CIMAP2: variants seen among roughly 807,000 people sequenced by gnomAD.
The protein encoded by CIMAP2 is ciliary microtubule-associated protein 2.
At chr1:54,809,820 G>A in the CIMAP2 span, among the ~76,000 whole-genome samples, 1 of 151,310 alleles carries the variant, frequency 6.6e-6, no homozygotes, top group South Asian at 2.1e-4. Flanking sequence ...TCACTGGGGG[G>A]CCTTCCCACC....
the CIMAP2 span, among the ~76,000 whole-genome samples, chr1:54,815,540 G>A: frequency 6.6e-6 from 1 of 152,050 alleles, no homozygotes; most frequent in Non-Finnish European, 1.5e-5. Context: ...ACCCCCTTCT[G>A]GCCCCTTCCC....
chr1:54,806,147 C>A, the CIMAP2 span: 1 of 1,550,094 alleles, frequency 6.5e-7, no homozygotes, highest in Non-Finnish European at 8.7e-7. Context: ...CGCCGGAGCT[C>A]ATGGCTGGAA....
chr1:54,829,300 A>G, the CIMAP2 span, among the ~76,000 whole-genome samples: 29,968 of 152,232 alleles, frequency 0.2, 3,054 homozygotes, highest in East Asian at 0.34. Context: ...CTGTAAAAAC[A>G]GAAGAATTTA....
chr1:54,816,623 T>C, the CIMAP2 span, among the ~76,000 whole-genome samples: 331 of 152,288 alleles, frequency 2.2e-3, 1 homozygote, highest in African/African-American at 7.7e-3. Context: ...TTGTAGCTTC[T>C]GGTGGTGGCC....
At chr1:54,831,878 G>C in the CIMAP2 span, among the ~76,000 whole-genome samples, 3 of 151,912 alleles carry the variant, frequency 2.0e-5, no homozygotes, top group Non-Finnish European at 4.4e-5. Flanking sequence ...TTTTGACACA[G>C]GGTTAGGCTA....
chr1:54,823,047 T>C, the CIMAP2 span, among the ~76,000 whole-genome samples: 6 of 152,354 alleles, frequency 3.9e-5, no homozygotes, highest in Admixed American at 2.0e-4. Flanking sequence ...GTGTATTCTG[T>C]AGCTGTTGGA....
chr1:54,821,148 A>G, the CIMAP2 span, among the ~76,000 whole-genome samples: 1 of 152,144 alleles, frequency 6.6e-6, no homozygotes, highest in Admixed American at 6.5e-5. Flanking sequence ...TGTCTGATGA[A>G]TAGTTTGCAA....
the CIMAP2 span, among the ~76,000 whole-genome samples, chr1:54,841,283 T>A: frequency 3.9e-5 from 6 of 152,218 alleles, no homozygotes; most frequent in African/African-American, 1.4e-4. Context: ...CAGATGCTGT[T>A]TGACACACAC....
the CIMAP2 span, among the ~76,000 whole-genome samples, chr1:54,824,484 C>T: frequency 6.6e-6 from 1 of 152,044 alleles, no homozygotes; most frequent in Admixed American, 6.6e-5. Flanking sequence ...AATAGGTTTT[C>T]CAATCTCTTT....
chr1:54,813,653 AG>A, the CIMAP2 span, among the ~76,000 whole-genome samples: 1 of 120,570 alleles, frequency 8.3e-6, no homozygotes, highest in Non-Finnish European at 1.7e-5. Flanking sequence ...AGCCCTTGTC[AG>A]GGGGGCCTTG....
chr1:54,808,745 G>T, the CIMAP2 span, among the ~76,000 whole-genome samples: 1 of 152,008 alleles, frequency 6.6e-6, no homozygotes, highest in African/African-American at 2.4e-5. Flanking sequence ...AGGGGATGAT[G>T]ATCTCATCAG....
chr1:54,809,645 A>G, the CIMAP2 span, among the ~76,000 whole-genome samples: 2 of 152,116 alleles, frequency 1.3e-5, no homozygotes, highest in Non-Finnish European at 2.9e-5. Flanking sequence ...GGTGTCCAAC[A>G]TGTACCTTGC....
At chr1:54,811,777 C>CGGGGGGGGGGG in the CIMAP2 span, 2 of 511,456 alleles carry the variant, frequency 3.9e-6, no homozygotes, top group Non-Finnish European at 7.4e-6. Flanking sequence ...CTCCATGCCC[C>CGGGGGGGGGGG]CACCCCCGCC....
At chr1:54,811,281 A>G in the CIMAP2 span, among the ~76,000 whole-genome samples, 1 of 152,260 alleles carries the variant, frequency 6.6e-6, no homozygotes, top group African/African-American at 2.4e-5. Flanking sequence ...CAGGGGTGTA[A>G]AGGTTGGAAT....
chr1:54,813,118 G>A, the CIMAP2 span, among the ~76,000 whole-genome samples: 3 of 151,132 alleles, frequency 2.0e-5, no homozygotes, highest in South Asian at 2.1e-4. Context: ...CCCAGGCCAC[G>A]CTGTTTGCTT....
At chr1:54,824,842 TATC>T in the CIMAP2 span, among the ~76,000 whole-genome samples, 1 of 151,844 alleles carries the variant, frequency 6.6e-6, no homozygotes, top group Admixed American at 6.6e-5. Context: ...TTTTCTTTAA[TATC>T]ATTATTTTGA....
At chr1:54,813,654 G>A in the CIMAP2 span, among the ~76,000 whole-genome samples, 3 of 110,972 alleles carry the variant, frequency 2.7e-5, no homozygotes, top group African/African-American at 1.1e-4. Context: ...GCCCTTGTCA[G>A]GGGGGCCTTG....
At chr1:54,806,313 C>T in the CIMAP2 span, 392 of 1,256,544 alleles carry the variant, frequency 3.1e-4, no homozygotes, top group African/African-American at 5.9e-3. Context: ...GAGAGGGTGT[C>T]CACCTACACA....
At chr1:54,815,574 C>T in the CIMAP2 span, among the ~76,000 whole-genome samples, 1 of 152,140 alleles carries the variant, frequency 6.6e-6, no homozygotes, top group African/African-American at 2.4e-5. Flanking sequence ...TCCTTCTCTC[C>T]AGAGGCAGCC....
Sources: allele counts gnomAD v4.1 joint callset (sites outside exome capture counted in the v4.1 genomes callset), GRCh38; gene constraint gnomAD v4.1.1; transcripts MANE v1.5; gene names NCBI Gene and HGNC (gene_info 2026-07-23, HGNC 2026-07-21).